RBBP6: variants seen among roughly 807,000 people sequenced by gnomAD.
RBBP6 encodes the protein E3 ubiquitin-protein ligase RBBP6.
RBBP6 carries 25 observed loss-of-function variants against 167.7 expected under a neutral mutation model. The observed-to-expected ratio is 0.15, with a 90% CI of 0.11 to 0.21. RBBP6 has a LOEUF of 0.21. Among genes scored for constraint, RBBP6 ranks in the 10% least tolerant of loss-of-function variants. RBBP6 has a pLI of 1.00. For synonymous variants in RBBP6, 789 were observed against 735.8 expected, an observed-to-expected ratio of 1.07 and a Z score of -1.17; for missense variants, 1,868 against 2,134.2, an observed-to-expected ratio of 0.88 and a Z score of 2.46.
rs941460097 is a variant in RBBP6, at chr16:24,540,539, G to A, written c.-88G>A. The A allele has an allele frequency of 6.0e-6, 8 of 1,341,902 alleles. No homozygotes were observed. The highest frequency in any genetic ancestry group is 8.2e-6 in the Non-Finnish European group (8 of 973,220). 83.1% of individuals were successfully genotyped at this position (1,341,902 alleles called of 1,614,324 possible). On this transcript the variant is annotated 5_prime_UTR_variant, in exon 1 of 18. Transcript: ENST00000319715. The stretch of plus-strand genomic sequence containing the variant: ...TTCGGTGTCTTTGAGTGTTTTGTGT[G>A]TACATATTTTGCTCTTAAAGTTTAT...
chr16:24,557,907 A>G (rs1898957486), intron 7 of RBBP6, among the ~76,000 whole-genome samples: 2 of 152,216 alleles, frequency 1.3e-5, no homozygotes, highest in South Asian at 4.1e-4. Flanking sequence ...TCGTTCACAG[A>G]TAAGAATGTT....
chr16:24,572,462 A>G lies in RBBP6; in HGVS notation c.*17A>G, dbSNP rs1424850985. On this transcript the variant is annotated 3_prime_UTR_variant, in exon 18 of 18. Coordinates refer to ENST00000319715, the MANE Select transcript of RBBP6 (RefSeq NM_006910.5). ...ACTGTGTAAAAAGACAGATTTTTTA[A>G]ATTGACTTAATTACTAAGTCATCTG... The G allele has an allele frequency of 6.6e-7, 1 of 1,507,826 alleles. No homozygotes were observed. Among genetic ancestry groups the G allele is most frequent in the East Asian group, 2.5e-5 (1 of 40,702 alleles). The allele number at this position is 1,507,826 out of a possible 1,614,324, so 93.4% of individuals were successfully genotyped here.
chr16:24,541,016 A>C (rs1898471629), intron 1 of RBBP6, among the ~76,000 whole-genome samples: 1 of 152,052 alleles, frequency 6.6e-6, no homozygotes, highest in Admixed American at 6.5e-5. Context: ...AGGCTAACCC[A>C]AAACGTGGAA....
In RBBP6 at chr16:24,569,972, A is replaced by G. The variant is rs373255527; in HGVS notation, c.3282A>G (p.Lys1094=). The G allele has an allele frequency of 6.3e-7, 1 of 1,598,996 alleles. No homozygotes were observed. Among genetic ancestry groups the G allele is most frequent in the Non-Finnish European group, 8.5e-7 (1 of 1,176,458 alleles). ...ITGTPRKAHS[K]SAKEHQETKP... is the part of the protein sequence containing the mutation. ...GAACCCCCAGAAAAGCTCACTCTAA[A>G]TCAGCAAAAGAACACCAAGAAACAA... Residue 1094 remains lysine (K), a synonymous_variant, in exon 17 of 18, where the codon AAA becomes AAG. Coordinates refer to ENST00000319715, the MANE Select transcript of RBBP6 (RefSeq NM_006910.5).
chr16:24,572,412 A>ATTC lies in RBBP6; in HGVS notation c.5346_5347insTTC (p.Lys1782_Asp1783insPhe). ...AAGATAAAGAGAAGGAGAAGGAGAA[A>ATTC]GATGACCAAAAAGTGAAATCTGTCA... On this transcript the variant is annotated inframe_insertion, in exon 18 of 18. Coordinates refer to ENST00000319715, the MANE Select transcript of RBBP6 (RefSeq NM_006910.5). The ATTC allele has an allele frequency of 6.5e-7, 1 of 1,532,008 alleles. No individual in the cohort carries two copies. The highest frequency in any genetic ancestry group is 8.8e-7 in the Non-Finnish European group (1 of 1,142,070). The allele number at this position is 1,532,008 out of a possible 1,614,324, so 94.9% of individuals were successfully genotyped here. A position where few individuals can be genotyped will look rare whatever the true frequency, so the allele number is the denominator to read the frequency against.
At chr16:24,558,990 A>G (rs1282803685) in intron 7 of RBBP6, among the ~76,000 whole-genome samples, 2 of 152,188 alleles carry the variant, frequency 1.3e-5, no homozygotes, top group African/African-American at 4.8e-5. Context: ...GTATAATGTC[A>G]GTACTAATTT....
chr16:24,546,869 G>A (rs1567271276), intron 2 of RBBP6, among the ~76,000 whole-genome samples: 1 of 152,166 alleles, frequency 6.6e-6, no homozygotes, highest in Non-Finnish European at 1.5e-5. Context: ...CTAGAGGGTT[G>A]TAAGAATTAA....
chr16:24,564,657 C>G (rs568205790), intron 13 of RBBP6, 140 bp from the exon 14 acceptor site: 239 of 1,135,708 alleles, frequency 2.1e-4, no homozygotes, highest in Non-Finnish European at 2.5e-4. Flanking sequence ...AGCTCTGTAT[C>G]CGAAACAAAT....
intron 2 of RBBP6, among the ~76,000 whole-genome samples, chr16:24,546,794 G>A (rs938388156): frequency 6.6e-6 from 1 of 152,128 alleles, no homozygotes; most frequent in South Asian, 2.1e-4. Context: ...TGTGACTTTG[G>A]ACCTTGGGTA....
chr16:24,555,930 C>T lies in RBBP6; in HGVS notation c.534+13C>T. 6.5e-7 allele frequency: 1 copy of T among 1,544,592 alleles called. No individual in the cohort carries two copies. Among genetic ancestry groups the T allele is most frequent in the South Asian group, 1.1e-5 (1 of 89,536 alleles). On this transcript the variant is annotated intron_variant, in intron 6 of 17. Transcript: ENST00000319715. ...CCCAACAAATGGGGTAAGTTCAAAG[C>T]AGAAACTATGGTATATCTTACTTTT... is the stretch of plus-strand genomic sequence containing the variant.
intron 14 of RBBP6, among the ~76,000 whole-genome samples, chr16:24,565,410 A>G (rs1231341176): frequency 6.6e-6 from 1 of 152,164 alleles, no homozygotes. Flanking sequence ...GGGGTCCCCA[A>G]CCCTGGGCCA....
chr16:24,570,046 A>C lies in RBBP6; in HGVS notation c.3356A>C (p.Lys1119Thr), dbSNP rs764128496. Residue 1119 changes from lysine to threonine, a missense_variant, in exon 17 of 18, where the codon AAA becomes ACA. Around this residue, in one of 7 missense-constraint regions of RBBP6, gnomAD observed 673 missense variants for 691.5 expected, o/e 0.97. Coordinates refer to ENST00000319715, the MANE Select transcript of RBBP6 (RefSeq NM_006910.5). ...AAGAAGGACTATTCCAAAGATGTCA[A>C]ATCAGAAAAGCTAACAACTAAGGAA... ...KVKKDYSKDVKSEKLTTKEEK... is the reference protein window; with the variant it reads ...KVKKDYSKDVTSEKLTTKEEK... The C allele has an allele frequency of 4.4e-6, 7 of 1,608,952 alleles. No individual in the cohort carries two copies. In the African/African-American group the frequency reaches 5.4e-5, roughly 12 times the overall value.
intron 1 of RBBP6, among the ~76,000 whole-genome samples, chr16:24,542,154 G>A (rs1287558653): frequency 6.6e-6 from 1 of 152,164 alleles, no homozygotes; most frequent in Non-Finnish European, 1.5e-5. Flanking sequence ...CTCTGCCTAA[G>A]GAGAGGAAAA....
chr16:24,555,323 A>G (rs554679383), intron 4 of RBBP6: 15 of 226,006 alleles, frequency 6.6e-5, no homozygotes, highest in East Asian at 4.7e-4. Flanking sequence ...TTCTAACTTA[A>G]TATCAGTCTT....
intron 7 of RBBP6, among the ~76,000 whole-genome samples, chr16:24,558,782 A>C (rs1261507840): frequency 6.6e-6 from 1 of 152,176 alleles, no homozygotes; most frequent in Non-Finnish European, 1.5e-5. Flanking sequence ...TGGACCTAGA[A>C]TGTCTAATGA....
chr16:24,567,067 G>GCTAT, intron 14 of RBBP6, 76 bp from the exon 15 acceptor site: 1 of 1,433,792 alleles, frequency 7.0e-7, no homozygotes, highest in African/African-American at 1.4e-5. Context: ...AAATAATTAT[G>GCTAT]GATAGAAGAG....
At position 24,549,331 on chromosome 16, in the gene RBBP6, T is replaced by G. The variant is rs1051477010; in HGVS notation, c.303+350T>G. On this transcript the variant is annotated intron_variant, in intron 3 of 17. Coordinates refer to ENST00000319715, the MANE Select transcript of RBBP6 (RefSeq NM_006910.5). ...TGTTCTACATTTGTCTGTCTATAGT[T>G]AGTATTTTGTATGTATGTACAGGCT... 3 of 1,089,538 alleles carry G rather than the reference T, an allele frequency of 2.8e-6. No homozygotes were observed. In the African/African-American group the frequency reaches 4.9e-5, roughly 18 times the overall value. 67.5% of individuals were successfully genotyped at this position (1,089,538 alleles called of 1,614,324 possible).
In RBBP6 at chr16:24,564,776, A is replaced by G. The variant is rs368661468; in HGVS notation, c.1521-21A>G. On this transcript the variant is annotated intron_variant, in intron 13 of 17. Coordinates refer to ENST00000319715, the MANE Select transcript of RBBP6 (RefSeq NM_006910.5). The stretch of plus-strand genomic sequence containing the variant: ...TACCCATGGAGAAATACTTGAGCCT[A>G]TTTTTTTTTCTCCCACACAGTTCCA... 1.0e-5 allele frequency: 16 copies of G among 1,576,440 alleles called. No homozygotes were observed. The African/African-American group carries it at 1.6e-4, about 16-fold the overall frequency.
At chr16:24,542,732 G>A (rs1023782629) in intron 1 of RBBP6, among the ~76,000 whole-genome samples, 1 of 152,144 alleles carries the variant, frequency 6.6e-6, no homozygotes, top group African/African-American at 2.4e-5. Context: ...CAAAGGGCTG[G>A]GATTACAGGC....
Sources: allele counts gnomAD v4.1 joint callset (sites outside exome capture counted in the v4.1 genomes callset), GRCh38; gene constraint gnomAD v4.1.1; regional missense constraint gnomAD v4.1.1; transcripts MANE v1.5; gene names NCBI Gene and HGNC (gene_info 2026-07-23, HGNC 2026-07-21).